KDM4B: variants seen among roughly 807,000 people sequenced by gnomAD.
KDM4B encodes lysine-specific demethylase 4B.
KDM4B carries 32 observed loss-of-function variants against 125.2 expected under a neutral mutation model. The observed-to-expected ratio is 0.26, with a 90% CI of 0.19 to 0.34. KDM4B has a LOEUF of 0.34. Ranked by LOEUF, KDM4B falls within the 10% of genes least tolerant of loss-of-function variation. KDM4B has a pLI of 1.00. For missense variants in KDM4B, 1,190 were observed against 1,577.7 expected, an observed-to-expected ratio of 0.75 and a Z score of 4.16; for synonymous variants, 721 against 677.9, an observed-to-expected ratio of 1.06 and a Z score of -0.99.
rs1051251154 is a variant in KDM4B, at chr19:5,110,488, T to C, written c.919-134T>C. 5 of 792,890 alleles carry C rather than the reference T, an allele frequency of 6.3e-6. No homozygotes were observed. The African/African-American group carries it at 7.0e-5, about 11-fold the overall frequency. The allele number at this position is 792,890 out of a possible 1,614,324, so 49.1% of individuals were successfully genotyped here. On this transcript the variant is annotated intron_variant, in intron 9 of 22. Transcript: ENST00000159111. ...CCGTGTCTCGAAAAGAAAAATGTTC[T>C]AGAAGCGGAATGCTCAGCGGTGGGA...
chr19:5,148,398 C>T (rs566312014), intron 21 of KDM4B, among the ~76,000 whole-genome samples: 2 of 152,326 alleles, frequency 1.3e-5, no homozygotes, highest in South Asian at 2.1e-4. Flanking sequence ...TCCTCCTAGG[C>T]GGTTCTGTGC....
intron 1 of KDM4B, among the ~76,000 whole-genome samples, chr19:4,994,086 C>T (rs1255884575): frequency 6.1e-5 from 9 of 146,854 alleles, no homozygotes; most frequent in African/African-American, 1.0e-4. Context: ...TTCGACCTCC[C>T]GGCATGCACC....
chr19:5,008,323 A>G (rs2035623083), intron 1 of KDM4B, among the ~76,000 whole-genome samples: 2 of 152,118 alleles, frequency 1.3e-5, no homozygotes, highest in South Asian at 2.1e-4. Context: ...CCTGACTTTA[A>G]GCGTGTGGGT....
chr19:5,056,405 C>CA (rs1356006466), intron 6 of KDM4B, among the ~76,000 whole-genome samples: 7 of 136,316 alleles, frequency 5.1e-5, no homozygotes, highest in Non-Finnish European at 9.6e-5. Flanking sequence ...CCCTTTCTTT[C>CA]TTTTTTTTTT....
intron 1 of KDM4B, among the ~76,000 whole-genome samples, chr19:4,981,511 C>G (rs1313485186): frequency 6.6e-6 from 1 of 152,148 alleles, no homozygotes; most frequent in Non-Finnish European, 1.5e-5. Context: ...GGGTTGTGAG[C>G]CTTAGGAGGT....
intron 1 of KDM4B, among the ~76,000 whole-genome samples, chr19:5,004,006 G>C (rs2035476167): frequency 6.6e-6 from 1 of 152,130 alleles, no homozygotes; most frequent in Non-Finnish European, 1.5e-5. Context: ...GCTCCCCTCT[G>C]CGCGTCCTGT....
intron 1 of KDM4B, among the ~76,000 whole-genome samples, chr19:5,009,071 C>T (rs1030507248): frequency 4.6e-5 from 7 of 151,766 alleles, no homozygotes; most frequent in East Asian, 3.9e-4. Flanking sequence ...GATGCCACCA[C>T]GCTCAGCTAA....
intron 1 of KDM4B, among the ~76,000 whole-genome samples, chr19:4,975,028 C>CGAA (rs1568199261): frequency 6.6e-6 from 1 of 152,130 alleles, no homozygotes. Context: ...GTTCTCTTTC[C>CGAA]ACCCAGCCGG....
At chr19:5,019,456 G>A (rs1428067131) in intron 2 of KDM4B, among the ~76,000 whole-genome samples, 1 of 143,584 alleles carries the variant, frequency 7.0e-6, no homozygotes, top group East Asian at 2.4e-4. Context: ...GTGCGTGTTG[G>A]TGTGCAGGTG....
intron 2 of KDM4B, among the ~76,000 whole-genome samples, chr19:5,031,030 C>T (rs4807680): frequency 0.088 from 13,478 of 152,320 alleles, 799 homozygotes; most frequent in Middle Eastern, 0.22. Flanking sequence ...CAGCTCAGGC[C>T]GGCACTGAGG....
At chr19:5,120,323 A>AAAT (rs566175691) in intron 11 of KDM4B, among the ~76,000 whole-genome samples, 11 of 152,308 alleles carry the variant, frequency 7.2e-5, no homozygotes, top group East Asian at 1.9e-4. Context: ...AGTATCACAA[A>AAAT]AATAATAATA....
intron 10 of KDM4B, 92 bp downstream of exon 10, chr19:5,110,910 C>T (rs1188400808): frequency 2.0e-6 from 2 of 1,023,366 alleles, no homozygotes; most frequent in Non-Finnish European, 1.4e-6. Context: ...GGCAGGGGCT[C>T]CGGGCCGTGT....
chr19:5,131,410 C>T lies in KDM4B; in HGVS notation c.1650C>T (p.Ala550=). The part of the protein sequence containing the change: ...FNQEHVSCQQ[A]FEHFAQKGPT... ...AGGAGCACGTGTCCTGCCAGCAGGC[C>T]TTTGAGCACTTTGCCCAGAAGGGTC... The change falls in exon 12 of 23, where the codon GCC becomes GCT. Residue 550 remains alanine (A), a synonymous_variant. Coordinates refer to ENST00000159111, the MANE Select transcript of KDM4B (RefSeq NM_015015.3). The T allele has an allele frequency of 6.2e-7, 1 of 1,611,344 alleles. No individual in the cohort carries two copies. The highest frequency in any genetic ancestry group is 1.1e-5 in the South Asian group (1 of 91,008).
In KDM4B at chr19:5,153,550, C is replaced by T. The variant is rs2039982992; in HGVS notation, c.*2039C>T. 6.6e-6 allele frequency: 1 copy of T among 152,286 alleles called. No individual in the cohort carries two copies. The highest frequency in any genetic ancestry group is 1.5e-5 in the Non-Finnish European group (1 of 68,084). 9.4% of individuals were successfully genotyped at this position (152,286 alleles called of 1,614,324 possible). On this transcript the variant is annotated 3_prime_UTR_variant, in exon 23 of 23. Coordinates refer to ENST00000159111, the MANE Select transcript of KDM4B (RefSeq NM_015015.3). ...ATACGCTGTATTTTTTGCCTAATGT[C>T]CCTGCCTCTAGGTTCATAATGAATT...
chr19:5,010,632 T>G (rs189052524), intron 1 of KDM4B, among the ~76,000 whole-genome samples: 87 of 152,280 alleles, frequency 5.7e-4, no homozygotes, highest in Middle Eastern at 3.4e-3. Context: ...TCTTCCCCAT[T>G]TATCAGTTGC....
intron 11 of KDM4B, 119 bp from the exon 12 acceptor site, chr19:5,130,957 C>G (rs928394281): frequency 1.1e-5 from 8 of 739,054 alleles, no homozygotes; most frequent in Non-Finnish European, 1.7e-5. Context: ...TTCGTGTGGC[C>G]TCTCTGGGTG....
At chr19:5,133,520 T>C (rs1405802383) in intron 13 of KDM4B, among the ~76,000 whole-genome samples, 2 of 152,194 alleles carry the variant, frequency 1.3e-5, no homozygotes, top group African/African-American at 4.8e-5. Context: ...GCACTGAGTT[T>C]GGCCAGTCCT....
chr19:5,101,180 C>T (rs1471971554), intron 9 of KDM4B, among the ~76,000 whole-genome samples: 1 of 148,268 alleles, frequency 6.7e-6, no homozygotes, highest in Non-Finnish European at 1.5e-5. Context: ...CGAGGTTGTG[C>T]CATTGCGCTC....
At chr19:5,126,211 G>C (rs1438173611) in intron 11 of KDM4B, among the ~76,000 whole-genome samples, 1 of 152,150 alleles carries the variant, frequency 6.6e-6, no homozygotes, top group Non-Finnish European at 1.5e-5. Context: ...GAGGTGCCTG[G>C]GGGGCGGTTG....
Sources: allele counts gnomAD v4.1 joint callset (sites outside exome capture counted in the v4.1 genomes callset), GRCh38; gene constraint gnomAD v4.1.1; transcripts MANE v1.5; gene names NCBI Gene and HGNC (gene_info 2026-07-23, HGNC 2026-07-21).